BPIFA1: variants seen among roughly 807,000 people sequenced by gnomAD.
BPIFA1 encodes the protein BPI fold-containing family A member 1.
In BPIFA1, 24 loss-of-function variants were observed where a neutral mutation model predicts 25.1. The observed-to-expected ratio is 0.96, with a 90% CI of 0.69 to 1.35. The LOEUF is 1.35. BPIFA1 is among the 40% of genes most tolerant of loss of function. The pLI is 0.00. For synonymous variants in BPIFA1, 139 were observed against 131.8 expected (o/e 1.05, Z -0.37); for missense variants, 344 against 303.7 (o/e 1.13, Z -0.99).
At chr20:33,240,524 G>C in intron 5 of BPIFA1, 139 bp downstream of exon 5, 3 of 1,039,934 alleles carry the variant, frequency 2.9e-6, no homozygotes, top group Non-Finnish European at 4.1e-6. Flanking sequence ...AGGAGGGAGC[G>C]TGGAAAGATG....
At chr20:33,238,364 T>C in intron 3 of BPIFA1, 150 bp downstream of exon 3, 1 of 951,316 alleles carries the variant, frequency 1.1e-6, no homozygotes, top group Non-Finnish European at 1.5e-6. Context: ...GAGACCCATC[T>C]CCAGTTTGGC....
chr20:33,242,339 A>T lies in BPIFA1; in HGVS notation c.731-148A>T. On this transcript the variant is annotated intron_variant, in intron 7 of 8. Coordinates refer to ENST00000354297, the MANE Select transcript of BPIFA1 (RefSeq NM_130852.3). Reference sequence around the variant, plus strand: ...GAGGACAGCTGGGCTGGTTGGTAGAAGGAGGCCTGGCTTCCTCCAAGCATG... The same window carrying T: ...GAGGACAGCTGGGCTGGTTGGTAGATGGAGGCCTGGCTTCCTCCAAGCATG... 4.7e-6 allele frequency: 5 copies of T among 1,060,332 alleles called. No individual in the cohort carries two copies. In the Admixed American group the frequency reaches 1.0e-4, roughly 22 times the overall value. 65.7% of individuals were successfully genotyped at this position (1,060,332 alleles called of 1,614,324 possible).
intron 3 of BPIFA1, 110 bp downstream of exon 3, chr20:33,238,324 G>A (rs6141898): frequency 3.0e-5 from 39 of 1,319,706 alleles, no homozygotes; most frequent in Admixed American, 9.8e-5. Flanking sequence ...GCGAGGGAGC[G>A]GCCTGAAGAT....
chr20:33,240,445 T>A (rs1320473530), intron 5 of BPIFA1, 60 bp downstream of exon 5: 2 of 1,590,014 alleles, frequency 1.3e-6, no homozygotes, highest in East Asian at 4.5e-5. Flanking sequence ...GCCGGATGGA[T>A]GATTGGAAAG....
At chr20:33,238,252 G>C (rs1555794221) in intron 3 of BPIFA1, 38 bp downstream of exon 3, 1 of 1,578,038 alleles carries the variant, frequency 6.3e-7, no homozygotes, top group East Asian at 2.3e-5. Flanking sequence ...TCTCCACCAG[G>C]GAACCCCAGG....
chr20:33,237,898 ATGTGTGTGTGTGTGTGTGTGTGTGTGTG>A (rs11468029), intron 2 of BPIFA1, 27 bp downstream of exon 2: 58 of 1,188,432 alleles, frequency 4.9e-5, no homozygotes, highest in South Asian at 7.3e-5. Flanking sequence ...GTATGTGTGC[ATGTGTGTGTGTGTGTGTGTGTGTGTGTG>A]TGTGTGTGTG....
chr20:33,237,987 G>T (rs1289210780), intron 2 of BPIFA1, 68 bp from the exon 3 acceptor site: 6 of 1,558,150 alleles, frequency 3.9e-6, no homozygotes, highest in Non-Finnish European at 5.2e-6. Context: ...AGGGCTGGAT[G>T]GGGGAGGGGG....
rs1396504390 is a variant in BPIFA1 at position 33,242,542 on chromosome 20, G to A, written c.*15G>A. 1.2e-6 allele frequency: 2 copies of A among 1,613,772 alleles called. No homozygotes were observed. Among genetic ancestry groups the A allele is most frequent in the Non-Finnish European group, 1.7e-6 (2 of 1,179,688 alleles). On this transcript the variant is annotated 3_prime_UTR_variant, in exon 8 of 9. Coordinates refer to ENST00000354297, the MANE Select transcript of BPIFA1 (RefSeq NM_130852.3). ...TCAAGGTCTAAGCCTTCCAGGAAGG[G>A]GCTGGCCTCTGCTGAGCTGGTAAGT...
rs1449456668 is a variant in BPIFA1, at chr20:33,236,008, G to C, written c.-58G>C. Reference sequence around the variant, plus strand: ...CCTCGGCAGAAGTGAGTGGGGGAGAGAGAGGAGACCAGGACAGCTGCTGAG... The same window carrying C: ...CCTCGGCAGAAGTGAGTGGGGGAGACAGAGGAGACCAGGACAGCTGCTGAG... On this transcript the variant is annotated 5_prime_UTR_variant, in exon 1 of 9. Coordinates refer to ENST00000354297, the MANE Select transcript of BPIFA1 (RefSeq NM_130852.3). The C allele has an allele frequency of 6.6e-6, 1 of 152,272 alleles. No homozygotes were observed. The highest frequency in any genetic ancestry group is 2.4e-5 in the African/African-American group (1 of 41,452). The allele number at this position is 152,272 out of a possible 1,614,324, so 9.4% of individuals were successfully genotyped here.
intron 5 of BPIFA1, 146 bp downstream of exon 5, chr20:33,240,531 G>A: frequency 2.5e-6 from 1 of 399,732 alleles, no homozygotes; most frequent in East Asian, 3.8e-5. Flanking sequence ...AGCGTGGAAA[G>A]ATGGATGGAT....
chr20:33,241,910 G>A, intron 6 of BPIFA1, 146 bp from the exon 7 acceptor site: 1 of 726,904 alleles, frequency 1.4e-6, no homozygotes, highest in Non-Finnish European at 2.4e-6. Flanking sequence ...TTTCTCCTCA[G>A]GCATGTGTGA....
intron 6 of BPIFA1, 146 bp downstream of exon 6, chr20:33,241,615 C>T (rs960806745): frequency 1.3e-6 from 1 of 751,238 alleles, no homozygotes; most frequent in South Asian, 1.7e-5. Flanking sequence ...ATCCATCTGT[C>T]CATGTTTCTT....
Position 33,238,136 on chromosome 20 carries a change from G to A in BPIFA1, c.242G>A (p.Gly81Glu). ...LPLLDILKPG[G>E]GTSGGLLGGL... The stretch of plus-strand genomic sequence containing the variant: ...CTCCTGGACATCCTGAAGCCTGGAG[G>A]AGGTACTTCTGGTGGCCTCCTTGGG... The change falls in exon 3 of 9, where the codon GGA becomes GAA. Residue 81 changes from glycine to glutamate, a missense_variant. Coordinates refer to ENST00000354297, the MANE Select transcript of BPIFA1 (RefSeq NM_130852.3). The A allele has an allele frequency of 1.9e-6, 3 of 1,614,034 alleles. No homozygotes were observed. Among genetic ancestry groups the A allele is most frequent in the Non-Finnish European group, 2.5e-6 (3 of 1,179,968 alleles).
In BPIFA1 at chr20:33,239,800, C is replaced by G. The variant is rs750605916; in HGVS notation, c.321-3C>G. ...TCCCCCTCCAATATTACTCCCTGGA[C>G]AGCATAAAGGTCACTGACCCCCAGC... On this transcript the variant is annotated splice_region_variant and splice_polypyrimidine_tract_variant and intron_variant, in intron 3 of 8. Coordinates refer to ENST00000354297, the MANE Select transcript of BPIFA1 (RefSeq NM_130852.3). The G allele has an allele frequency of 1.9e-6, 3 of 1,613,178 alleles. No individual in the cohort carries two copies. The highest frequency in any genetic ancestry group is 2.2e-5 in the South Asian group (2 of 91,062).
rs1978864818 is a variant in BPIFA1, at chr20:33,239,784, A to G, written c.321-19A>G. 8.1e-6 allele frequency: 13 copies of G among 1,606,510 alleles called. No individual in the cohort carries two copies. In the East Asian group the frequency reaches 2.7e-4, roughly 33 times the overall value. On this transcript the variant is annotated intron_variant, in intron 3 of 8. Transcript: ENST00000354297. Reference sequence around the variant, plus strand: ...TAGAGGAGCTAATGTTTCCCCCTCCAATATTACTCCCTGGACAGCATAAAG... The same window carrying G: ...TAGAGGAGCTAATGTTTCCCCCTCCGATATTACTCCCTGGACAGCATAAAG...
chr20:33,238,006 T>A (rs1254170694), intron 2 of BPIFA1, 49 bp from the exon 3 acceptor site: 10 of 1,576,572 alleles, frequency 6.3e-6, no homozygotes, highest in Non-Finnish European at 5.2e-6. Context: ...GGCCTGAGGA[T>A]CTGGAATTGT....
chr20:33,242,247 A>AT, intron 7 of BPIFA1, 128 bp downstream of exon 7: 1 of 1,071,706 alleles, frequency 9.3e-7, no homozygotes, highest in South Asian at 1.4e-5. Flanking sequence ...TTTGGGCTTC[A>AT]TTTTCCCCCG....
intron 2 of BPIFA1, 58 bp from the exon 3 acceptor site, chr20:33,237,997 G>A (rs962385031): frequency 6.4e-7 from 1 of 1,567,356 alleles, no homozygotes; most frequent in Non-Finnish European, 8.6e-7. Context: ...GGGGGAGGGG[G>A]CCTGAGGATC....
chr20:33,240,091 G>C, intron 4 of BPIFA1, 142 bp from the exon 5 acceptor site: 1 of 1,430,724 alleles, frequency 7.0e-7, no homozygotes, highest in Non-Finnish European at 9.5e-7. Flanking sequence ...TTAAGTCTTT[G>C]TTTCTCCTGC....
Sources: gnomAD v4.1 joint callset for allele counts on GRCh38, gnomAD v4.1.1 for gene constraint, MANE v1.5 for transcripts, NCBI Gene and HGNC (gene_info 2026-07-23, HGNC 2026-07-21) for gene names.